GSE1: variants seen among roughly 807,000 people sequenced by gnomAD.
GSE1 encodes Gse1 coiled-coil protein, also known as genetic suppressor element 1.
In GSE1, 32 loss-of-function variants were observed where a neutral mutation model predicts 112.6. That is an observed-to-expected ratio of 0.28 (90% CI 0.21 to 0.38). GSE1 has a LOEUF of 0.38. GSE1 is among the 10% of genes least tolerant of loss of function. GSE1 has a pLI of 1.00. For missense variants in GSE1, 2,348 were observed against 1,699.2 expected (o/e 1.38, Z -6.71); for synonymous variants, 1,115 against 735.6 (o/e 1.52, Z -8.35).
chr16:85,411,464 A>T lies in GSE1; in HGVS notation c.2464+53821A>T, dbSNP rs528960954. On this transcript the variant is annotated intron_variant, in intron 2 of 2. Coordinates refer to the GSE1 transcript ENST00000637419. ...TCCCCCCTGGATAATCCTCACCGTT[A>T]CACTCAGGGCCCCCCTGGATAATCC... Among the ~76,000 whole-genome samples, 4 of 16,408 alleles carry T rather than the reference A, an allele frequency of 2.4e-4. 1 individual carries two copies. The South Asian group carries it at 8.3e-3, about 34-fold the overall frequency. The allele number at this position is 16,408 out of a possible 152,430, so 10.8% of individuals were successfully genotyped here. A position where few individuals can be genotyped will look rare whatever the true frequency, so the allele number is the denominator to read the frequency against.
intron 1 of GSE1, among the ~76,000 whole-genome samples, chr16:85,288,730 C>A (rs975341385): frequency 1.3e-5 from 2 of 152,038 alleles, no homozygotes; most frequent in African/African-American, 4.8e-5. Flanking sequence ...CTGGGAGAGG[C>A]GGCATTTGTG....
At chr16:85,598,531 C>T (rs2047332112) in intron 1 of GSE1, among the ~76,000 whole-genome samples, 1 of 152,260 alleles carries the variant, frequency 6.6e-6, no homozygotes, top group Admixed American at 6.5e-5. Context: ...CTTAAGAAAG[C>T]ACCAGCACTC....
chr16:85,550,558 G>C (rs1431027310), intron 2 of GSE1, among the ~76,000 whole-genome samples: 2 of 152,044 alleles, frequency 1.3e-5, no homozygotes, highest in Non-Finnish European at 2.9e-5. Flanking sequence ...AATTTGGGGA[G>C]CAGTGCCTCT....
chr16:85,487,272 A>C (rs553353984), intron 2 of GSE1, among the ~76,000 whole-genome samples: 97 of 152,178 alleles, frequency 6.4e-4, no homozygotes, highest in Middle Eastern at 6.8e-3. Context: ...TCTGCCTTGC[A>C]CTCACAGCCT....
chr16:85,260,808 A>G (rs1907608657), intron 1 of GSE1, among the ~76,000 whole-genome samples: 1 of 151,922 alleles, frequency 6.6e-6, no homozygotes, highest in Non-Finnish European at 1.5e-5. Context: ...GGGAGCCCCC[A>G]CCCCTGCATG....
chr16:85,334,041 G>A (rs986925364), intron 1 of GSE1, among the ~76,000 whole-genome samples: 1 of 152,178 alleles, frequency 6.6e-6, no homozygotes, highest in African/African-American at 2.4e-5. Flanking sequence ...CGTGGACACG[G>A]GGCCTCTGCT....
chr16:85,312,302 C>T (rs1330487059), intron 1 of GSE1, among the ~76,000 whole-genome samples: 3 of 149,012 alleles, frequency 2.0e-5, no homozygotes, highest in African/African-American at 7.6e-5. Context: ...CTTAAAACAG[C>T]AGAAACTCAC....
chr16:85,634,219 C>A, intron 2 of GSE1, 87 bp downstream of exon 2: 1 of 923,022 alleles, frequency 1.1e-6, no homozygotes. Context: ...TGCACGCTCA[C>A]AGCAGGTCTC....
intron 2 of GSE1, among the ~76,000 whole-genome samples, chr16:85,429,068 C>G (rs2049058143): frequency 6.6e-6 from 1 of 152,230 alleles, no homozygotes; most frequent in South Asian, 2.1e-4. Context: ...AGCTCCGAAG[C>G]CTCCGCACGC....
At chr16:85,551,796 A>G (rs975083388), upstream of GSE1, among the ~76,000 whole-genome samples, 5 of 152,238 alleles carry the variant, frequency 3.3e-5, no homozygotes, top group Admixed American at 2.6e-4. Context: ...GCTAAAAGCA[A>G]TTAGGGCTTG....
At chr16:85,470,302 G>A (rs888427927) in intron 2 of GSE1, among the ~76,000 whole-genome samples, 4 of 152,342 alleles carry the variant, frequency 2.6e-5, no homozygotes, top group African/African-American at 7.2e-5. Context: ...GAGTGCCTCT[G>A]TGGGGCTCGG....
chr16:85,628,866 C>T (rs1488360776), intron 1 of GSE1, among the ~76,000 whole-genome samples: 1 of 152,214 alleles, frequency 6.6e-6, no homozygotes, highest in Non-Finnish European at 1.5e-5. Context: ...GCCATGGCCT[C>T]TGTGTACCAC....
intron 2 of GSE1, among the ~76,000 whole-genome samples, chr16:85,364,267 CCTT>C (rs968644445): frequency 1.3e-5 from 2 of 152,290 alleles, no homozygotes; most frequent in Admixed American, 6.5e-5. Context: ...GGTGGCACCT[CCTT>C]CTCTCTCCTC....
At chr16:85,341,253 G>T (rs1196641521) in intron 1 of GSE1, among the ~76,000 whole-genome samples, 1 of 151,830 alleles carries the variant, frequency 6.6e-6, no homozygotes, top group African/African-American at 2.4e-5. Flanking sequence ...GAGTGCAGTG[G>T]ATCTCAGCTC....
At position 85,627,044 on chromosome 16, in the gene GSE1, C is replaced by CTTTTTTTTTTTTTTTTTTTTTTT. The variant is rs564272210; in HGVS notation, c.8-6860_8-6838dup. Among the ~76,000 whole-genome samples, 38 of 25,064 alleles carry CTTTTTTTTTTTTTTTTTTTTTTT rather than the reference C, an allele frequency of 1.5e-3. 7 individuals carry two copies. The highest frequency in any genetic ancestry group is 1.9e-3 in the African/African-American group (12 of 6,382). 16.4% of individuals were successfully genotyped at this position (25,064 alleles called of 152,430 possible). Reference sequence around the variant, plus strand: ...GGACTTTGCTTCCTTTTCTTCTTGCCTTTTTTTTTTTTTTTTTTTTTTTTT... The same window carrying CTTTTTTTTTTTTTTTTTTTTTTT: ...GGACTTTGCTTCCTTTTCTTCTTGCCTTTTTTTTTTTTTTTTTTTTTTTTTTTTTTTTTTTTTTTTTTTTTTTT... On this transcript the variant is annotated intron_variant, in intron 1 of 15. Coordinates refer to ENST00000253458, the MANE Select transcript of GSE1 (RefSeq NM_014615.5).
intron 8 of GSE1, among the ~76,000 whole-genome samples, chr16:85,660,733 C>T (rs930165541): frequency 6.6e-6 from 1 of 151,952 alleles, no homozygotes; most frequent in Non-Finnish European, 1.5e-5. Flanking sequence ...TGGGTTCAAG[C>T]AGTTCTCCTG....
At chr16:85,399,329 A>G (rs1050318551) in intron 2 of GSE1, among the ~76,000 whole-genome samples, 1 of 152,140 alleles carries the variant, frequency 6.6e-6, no homozygotes, top group African/African-American at 2.4e-5. Flanking sequence ...GGCCCTCTGC[A>G]CGTGGAAAGG....
At chr16:85,565,387 T>C (rs1171118499) in intron 1 of GSE1, among the ~76,000 whole-genome samples, 2 of 144,252 alleles carry the variant, frequency 1.4e-5, no homozygotes, top group African/African-American at 2.7e-5. Flanking sequence ...CGAGTGAGAC[T>C]CTGTCTCAAA....
At chr16:85,319,088 C>T (rs1057237195) in intron 1 of GSE1, among the ~76,000 whole-genome samples, 1 of 152,134 alleles carries the variant, frequency 6.6e-6, no homozygotes, top group African/African-American at 2.4e-5. Context: ...TTGTGGGGCC[C>T]AGCATGTCAT....
Sources: allele counts gnomAD v4.1 joint callset (sites outside exome capture counted in the v4.1 genomes callset), GRCh38; gene constraint gnomAD v4.1.1; transcripts MANE v1.5; gene names NCBI Gene and HGNC (gene_info 2026-07-23, HGNC 2026-07-21).